DOCK2: variants seen among roughly 807,000 people sequenced by gnomAD.
DOCK2 encodes dedicator of cytokinesis 2, also known as dedicator of cytokinesis protein 2.
A neutral mutation model predicts 248.9 loss-of-function variants in DOCK2; 87 were observed. The ratio of observed to expected loss-of-function variants is 0.35; its 90% CI spans 0.29 to 0.42. The LOEUF (loss-of-function observed/expected upper bound fraction) is 0.42, where lower values mean the gene tolerates loss of function less well. DOCK2 is among the 10% of genes least tolerant of loss of function. The pLI, the probability that DOCK2 is intolerant of heterozygous loss-of-function variation, is 1.00. For missense variants in DOCK2, 1,747 were observed against 2,300.2 expected (o/e 0.76, Z 4.92); for synonymous variants, 805 against 821.6 (o/e 0.98, Z 0.35).
chr5:169,713,629 A>T (rs972236362), intron 17 of DOCK2, among the ~76,000 whole-genome samples: 2 of 152,164 alleles, frequency 1.3e-5, no homozygotes, highest in African/African-American at 4.8e-5. Flanking sequence ...CAGGGTCCAG[A>T]TCCCAGCACA....
intron 27 of DOCK2, chr5:169,882,481 A>G: frequency 7.6e-7 from 1 of 1,307,912 alleles, no homozygotes; most frequent in Non-Finnish European, 1.0e-6. Context: ...AAGAAACCAA[A>G]GCTGTCTCTG....
rs1760756653 is a variant in DOCK2 at position 169,698,361 on chromosome 5, G to T, written c.980-13G>T. On this transcript the variant is annotated splice_polypyrimidine_tract_variant and intron_variant, in intron 10 of 51. Transcript: ENST00000520908. ...AGAAGTTAAACCATTAATTCATTCTGTCTTCTTTCTAGTTATGGATATAAC... is the reference window on the plus strand; with the variant it reads ...AGAAGTTAAACCATTAATTCATTCTTTCTTCTTTCTAGTTATGGATATAAC... 1 of 1,612,974 alleles carries T rather than the reference G, an allele frequency of 6.2e-7. No individual in the cohort carries two copies. The highest frequency in any genetic ancestry group is 1.7e-5 in the Admixed American group (1 of 60,000).
chr5:169,776,916 T>C (rs1561684808), intron 25 of DOCK2, among the ~76,000 whole-genome samples: 1 of 152,190 alleles, frequency 6.6e-6, no homozygotes, highest in African/African-American at 2.4e-5. Flanking sequence ...AATTACCCAG[T>C]CTCAGGTATT....
intron 27 of DOCK2, among the ~76,000 whole-genome samples, chr5:169,879,028 TTAGA>T (rs972859303): frequency 4.0e-5 from 6 of 151,836 alleles, no homozygotes; most frequent in Non-Finnish European, 7.4e-5. Context: ...AGAGAAGGAG[TTAGA>T]TAGAACCAGA....
chr5:169,874,737 T>G (rs1006730029), intron 27 of DOCK2, among the ~76,000 whole-genome samples: 2 of 152,150 alleles, frequency 1.3e-5, no homozygotes, highest in Admixed American at 6.5e-5. Context: ...TCAGCCTGGA[T>G]TGCCAATCAG....
rs1761611836 is a variant in DOCK2 at position 169,711,969 on chromosome 5, A to G, written c.1517A>G (p.His506Arg). 1 of 1,614,006 alleles carries G rather than the reference A, an allele frequency of 6.2e-7. No homozygotes were observed. Among genetic ancestry groups the G allele is most frequent in the Non-Finnish European group, 8.5e-7 (1 of 1,179,988 alleles). Reference protein sequence around the residue: ...AVPIEDMQRIHLRFMFRHRSS... With the variant: ...AVPIEDMQRIRLRFMFRHRSS... ...CCTATTGAAGACATGCAGAGGATCC[A>G]TCTGCGATTCATGTTTCGACATCGG... is the stretch of plus-strand genomic sequence containing the variant. The change falls in exon 16 of 52, where the codon CAT becomes CGT. Residue 506 changes from histidine to arginine, a missense_variant. Coordinates refer to ENST00000520908, the MANE Select transcript of DOCK2 (RefSeq NM_004946.3).
rs1771851664 is a variant in DOCK2 at position 169,869,990 on chromosome 5, TAAG to T, written c.2799+29141_2799+29143del. Reference sequence around the variant, plus strand: ...CTTACAGTGGAGGGCAAATAGTAGTTAAGAAATTGTTACAATGCAAAATTCCGG... The same window carrying T: ...CTTACAGTGGAGGGCAAATAGTAGTTAAATTGTTACAATGCAAAATTCCGG... On this transcript the variant is annotated intron_variant, in intron 27 of 51. Coordinates refer to ENST00000520908, the MANE Select transcript of DOCK2 (RefSeq NM_004946.3). 2.0e-5 allele frequency among the ~76,000 whole-genome samples: 3 copies of T among 152,270 alleles called. No homozygotes were observed. In the South Asian group the frequency reaches 6.2e-4, roughly 32 times the overall value.
At chr5:169,738,910 G>T (rs1294905168) in intron 22 of DOCK2, among the ~76,000 whole-genome samples, 1 of 152,178 alleles carries the variant, frequency 6.6e-6, no homozygotes, top group African/African-American at 2.4e-5. Flanking sequence ...TCTGCGGGCA[G>T]CCTGGTGGGC....
chr5:169,857,264 T>G (rs959467441), intron 27 of DOCK2, among the ~76,000 whole-genome samples: 2 of 152,242 alleles, frequency 1.3e-5, no homozygotes, highest in East Asian at 1.9e-4. Context: ...TTTGATATGG[T>G]AAGGCAGTAT....
chr5:169,676,948 A>G (rs1759365481), intron 6 of DOCK2, among the ~76,000 whole-genome samples: 2 of 152,232 alleles, frequency 1.3e-5, no homozygotes, highest in Non-Finnish European at 2.9e-5. Context: ...ACTGTACACC[A>G]GGCACCATTT....
chr5:169,896,066 T>A (rs1011420337), intron 27 of DOCK2, among the ~76,000 whole-genome samples: 1 of 151,884 alleles, frequency 6.6e-6, no homozygotes, highest in Non-Finnish European at 1.5e-5. Flanking sequence ...CCTTTCTGTT[T>A]CCCAGTCCCA....
chr5:169,645,195 T>TAC (rs1757389312), intron 1 of DOCK2, among the ~76,000 whole-genome samples: 2 of 152,342 alleles, frequency 1.3e-5, no homozygotes, highest in South Asian at 4.1e-4. Flanking sequence ...TATTTCTCGT[T>TAC]CTAGATCCTT....
intron 27 of DOCK2, among the ~76,000 whole-genome samples, chr5:169,902,214 A>G (rs116272447): frequency 0.016 from 2,413 of 152,352 alleles, 32 homozygotes; most frequent in Non-Finnish European, 0.025. Flanking sequence ...TAACTCCCCT[A>G]CAAAAGAGCT....
chr5:169,644,284 A>T (rs1313244287), intron 1 of DOCK2, among the ~76,000 whole-genome samples: 2 of 152,146 alleles, frequency 1.3e-5, no homozygotes, highest in Non-Finnish European at 1.5e-5. Context: ...ATCAGGGGGA[A>T]TTAAATGTGG....
chr5:169,720,314 C>G (rs921884895), intron 22 of DOCK2, among the ~76,000 whole-genome samples: 5 of 152,172 alleles, frequency 3.3e-5, no homozygotes, highest in Non-Finnish European at 7.3e-5. Context: ...GATATCTTAT[C>G]CCATCTTCCA....
intron 27 of DOCK2, among the ~76,000 whole-genome samples, chr5:169,933,217 T>A (rs2113687220): frequency 6.6e-6 from 1 of 152,334 alleles, no homozygotes; most frequent in East Asian, 1.9e-4. Flanking sequence ...ACCATGGAAA[T>A]CAGGTTCTGT....
Position 169,698,436 on chromosome 5 carries a change from A to G in DOCK2, c.1042A>G (p.Ile348Val). 1 of 1,614,084 alleles carries G rather than the reference A, an allele frequency of 6.2e-7. No individual in the cohort carries two copies. The highest frequency in any genetic ancestry group is 8.5e-7 in the Non-Finnish European group (1 of 1,179,924). ...AESDEEKQHF[I>V]PFHPVTAEND... Reference sequence around the variant, plus strand: ...GAGTGATGAAGAAAAGCAGCACTTCATTCCTTTTCACCCGTAAGACATTTC... The same window carrying G: ...GAGTGATGAAGAAAAGCAGCACTTCGTTCCTTTTCACCCGTAAGACATTTC... Residue 348 changes from isoleucine (I) to valine (V), a missense_variant, in exon 11 of 52, where the codon ATT (isoleucine) becomes GTT (valine). Physicochemically the swap from Ile to Val is conservative, Grantham distance 29. Coordinates refer to ENST00000520908, the MANE Select transcript of DOCK2 (RefSeq NM_004946.3).
chr5:169,739,563 C>G (rs1763206020), intron 22 of DOCK2, among the ~76,000 whole-genome samples: 1 of 152,162 alleles, frequency 6.6e-6, no homozygotes, highest in African/African-American at 2.4e-5. Flanking sequence ...TACCTAATCC[C>G]CTTTTCCAAG....
intron 27 of DOCK2, among the ~76,000 whole-genome samples, chr5:169,854,173 C>A (rs1439412666): frequency 6.7e-6 from 1 of 149,390 alleles, no homozygotes; most frequent in Non-Finnish European, 1.5e-5. Flanking sequence ...AGGGGACAGT[C>A]AAACTTACTG....
Sources: allele counts gnomAD v4.1 joint callset (sites outside exome capture counted in the v4.1 genomes callset), GRCh38; gene constraint gnomAD v4.1.1; transcripts MANE v1.5; gene names NCBI Gene and HGNC (gene_info 2026-07-23, HGNC 2026-07-21).